The following SLCO4A1 variants were observed in gnomAD, a reference collection of about 807,000 sequenced individuals.
The protein encoded by SLCO4A1 is colon organic anion transporter.
A neutral mutation model predicts 64.6 loss-of-function variants in SLCO4A1; 51 were observed. That is an observed-to-expected ratio of 0.79 (90% CI 0.63 to 1.00). SLCO4A1 has a LOEUF of 1.00. SLCO4A1 is among the 50% of genes least tolerant of loss of function. The pLI is 0.00. For missense variants in SLCO4A1, 919 were observed against 980.5 expected, an observed-to-expected ratio of 0.94 and a Z score of 0.84; for synonymous variants, 471 against 444.9, an observed-to-expected ratio of 1.06 and a Z score of -0.74.
intron 1 of SLCO4A1, among the ~76,000 whole-genome samples, chr20:62,652,935 C>T (rs1348086607): frequency 3.9e-5 from 6 of 152,242 alleles, no homozygotes; most frequent in Non-Finnish European, 5.9e-5. Context: ...GTGACGCAGA[C>T]GCTTGGCTCT....
chr20:62,668,205 C>T (rs371537934), intron 9 of SLCO4A1, 21 bp downstream of exon 9: 59 of 1,612,988 alleles, frequency 3.7e-5, no homozygotes, highest in South Asian at 5.5e-5. Context: ...GTCGGGTGTG[C>T]GCTTGTCCAG....
chr20:62,678,532 CTTTTTTT>C (rs71195465), intron 2 of SLCO4A1, among the ~76,000 whole-genome samples: 2 of 138,712 alleles, frequency 1.4e-5, no homozygotes, highest in South Asian at 2.3e-4. Context: ...CAGCGCTATT[CTTTTTTT>C]TTTTTTTTTT....
At chr20:62,652,080 C>T (rs889550057) in intron 1 of SLCO4A1, 14 of 149,584 alleles carry the variant, frequency 9.4e-5, no homozygotes, top group Non-Finnish European at 1.3e-4. Flanking sequence ...CCCCCCTCCC[C>T]GTGCCAGCAC....
intron 2 of SLCO4A1, among the ~76,000 whole-genome samples, chr20:62,679,798 C>T (rs1987747065): frequency 6.6e-6 from 1 of 152,206 alleles, no homozygotes; most frequent in Non-Finnish European, 1.5e-5. Context: ...AGGCCCAGGC[C>T]ACAGCAGCAG....
chr20:62,661,031 C>CCCCCCGG lies in SLCO4A1; in HGVS notation c.1010-29_1010-28insCGGCCCC. 1 of 944,604 alleles carries CCCCCCGG rather than the reference C, an allele frequency of 1.1e-6. No individual in the cohort carries two copies. Among genetic ancestry groups the CCCCCCGG allele is most frequent in the Non-Finnish European group, 1.7e-6 (1 of 576,386 alleles). The allele number at this position is 944,604 out of a possible 1,614,324, so 58.5% of individuals were successfully genotyped here. On this transcript the variant is annotated intron_variant, in intron 4 of 11. Coordinates refer to ENST00000217159, the MANE Select transcript of SLCO4A1 (RefSeq NM_016354.4). The surrounding 1 kb of genome is among the most constrained non-coding windows in gnomAD (Gnocchi z 5.2). ...GAAGTCCACCTCCGGGAGCCCCCAG[C>CCCCCCGG]CCCCAGCCCCAGCTCACTCTGTGCC...
intron 9 of SLCO4A1, 67 bp from the exon 10 acceptor site, chr20:62,668,410 G>T (rs890835623): frequency 4.6e-6 from 7 of 1,534,988 alleles, no homozygotes; most frequent in Non-Finnish European, 6.3e-6. Context: ...GAGGCCACTG[G>T]CCTAGGGGGT....
In SLCO4A1 at chr20:62,666,471, G is replaced by GT; in HGVS notation, c.1370dup (p.Cys458LeufsTer95). On this transcript the variant is annotated frameshift_variant, in exon 7 of 12. Transcript: ENST00000217159. LOFTEE classifies it high-confidence loss of function. ...GGCTCCGGGGCTCCGCGGTCATCAA[G>GT]TTCTGCCTGTTCTGCACCGTTGTCA... 1 of 1,613,522 alleles carries GT rather than the reference G, an allele frequency of 6.2e-7. No individual in the cohort carries two copies. The highest frequency in any genetic ancestry group is 8.5e-7 in the Non-Finnish European group (1 of 1,179,994).
In SLCO4A1 at chr20:62,665,054, C is replaced by T. The variant is rs1163183483; in HGVS notation, c.1242C>T (p.Phe414=). 1.9e-6 allele frequency: 3 copies of T among 1,613,446 alleles called. No individual in the cohort carries two copies. The highest frequency in any genetic ancestry group is 2.2e-5 in the South Asian group (2 of 90,980). ...TFSPKFLESQ[F]SLSASEAATL... The stretch of plus-strand genomic sequence containing the variant: ...GCCCCAAGTTCTTGGAGTCCCAGTT[C>T]AGCCTGAGTGCCTCAGAAGCTGCCA... Residue 414 remains phenylalanine (F), a synonymous_variant, in exon 6 of 12, where the codon TTC becomes TTT. Transcript: ENST00000217159.
At chr20:62,677,794 G>A (rs187458547) in intron 2 of SLCO4A1, among the ~76,000 whole-genome samples, 189 of 152,268 alleles carry the variant, frequency 1.2e-3, no homozygotes, top group Non-Finnish European at 2.1e-3. Context: ...GGAACCCAGC[G>A]CCACGCTGTG....
chr20:62,674,075 G>A (rs1437513162), downstream of SLCO4A1, among the ~76,000 whole-genome samples: 2 of 152,216 alleles, frequency 1.3e-5, no homozygotes, highest in Non-Finnish European at 2.9e-5. Context: ...GAAGGTGCCA[G>A]CCATCTCCTC....
At chr20:62,659,499 T>TGTGTGTC (rs1422940045) in intron 3 of SLCO4A1, among the ~76,000 whole-genome samples, 1 of 152,168 alleles carries the variant, frequency 6.6e-6, no homozygotes. Flanking sequence ...CTCGGATTGA[T>TGTGTGTC]AATGTGGGGT....
At chr20:62,666,712 C>A in intron 7 of SLCO4A1, 137 bp downstream of exon 7, 1 of 762,678 alleles carries the variant, frequency 1.3e-6, no homozygotes. Flanking sequence ...GCAAGGGCAA[C>A]ACCCGCTCAG....
chr20:62,669,726 C>T (rs1646724292), intron 11 of SLCO4A1, among the ~76,000 whole-genome samples: 1 of 152,170 alleles, frequency 6.6e-6, no homozygotes, highest in Non-Finnish European at 1.5e-5. Context: ...GACGCTCTTC[C>T]TTGGGTGACG....
intron 8 of SLCO4A1, 35 bp from the exon 9 acceptor site, chr20:62,667,977 C>T: frequency 6.2e-7 from 1 of 1,614,054 alleles, no homozygotes; most frequent in East Asian, 2.2e-5. Flanking sequence ...CCCGTGCCTT[C>T]CCCTTGTAAT....
Position 62,668,522 on chromosome 20 carries a change from G to C in SLCO4A1, c.1857G>C (p.Trp619Cys). The C allele has an allele frequency of 1.9e-6, 3 of 1,613,784 alleles. No homozygotes were observed. The highest frequency in any genetic ancestry group is 2.5e-6 in the Non-Finnish European group (3 of 1,179,834). The change falls in exon 10 of 12, where the codon TGG becomes TGC. Residue 619 changes from tryptophan to cysteine, a missense_variant. Physicochemically the swap from Trp to Cys is radical, Grantham distance 215 (BLOSUM62 -2). Transcript: ENST00000217159. ...GATCCTTTGCCCTGGGAATCCAGTG[G>C]ATTGTAGTTAGAATACTAGGTACTG... ...PQRSFALGIQ[W>C]IVVRILGGIP...
At chr20:62,662,301 C>G (rs1027257404) in intron 5 of SLCO4A1, among the ~76,000 whole-genome samples, 4 of 152,122 alleles carry the variant, frequency 2.6e-5, no homozygotes, top group Non-Finnish European at 5.9e-5. Context: ...CCAAGCTGAC[C>G]CGGGGCCACG....
At chr20:62,653,559 C>T (rs1000921084) in intron 1 of SLCO4A1, among the ~76,000 whole-genome samples, 4 of 152,210 alleles carry the variant, frequency 2.6e-5, no homozygotes, top group Non-Finnish European at 4.4e-5. Flanking sequence ...TGTGTCCCCT[C>T]GCAGCCCCAT....
rs139768340 is a variant in SLCO4A1, at chr20:62,668,992, G to A, written c.1939G>A (p.Asp647Asn). The change falls in exon 11 of 12, where the codon GAC becomes AAC. Residue 647 changes from aspartate (D) to asparagine (N), a missense_variant. Physicochemically the swap from Asp to Asn is conservative, Grantham distance 23. Coordinates refer to ENST00000217159, the MANE Select transcript of SLCO4A1 (RefSeq NM_016354.4). ...CGACAAGGCCTGTCTGCTGTGGCAG[G>A]ACCAGTGTGGCCAGCAGGGCTCCTG... ...VIDKACLLWQDQCGQQGSCLV... is the reference protein window; with the variant it reads ...VIDKACLLWQNQCGQQGSCLV... 9 of 1,610,456 alleles carry A rather than the reference G, an allele frequency of 5.6e-6. No homozygotes were observed. The African/African-American group carries it at 1.2e-4, about 21-fold the overall frequency.
chr20:62,687,784 C>T (rs1219390468), downstream of SLCO4A1, among the ~76,000 whole-genome samples: 4 of 152,166 alleles, frequency 2.6e-5, no homozygotes, highest in African/African-American at 7.2e-5. Flanking sequence ...ATGTCGTCAG[C>T]GTGGCCACTA....
Sources: gnomAD v4.1 joint callset for allele counts (sites outside exome capture counted in the v4.1 genomes callset) on GRCh38, gnomAD v4.1.1 for gene constraint, Gnocchi (gnomAD v3.1) non-coding constraint, MANE v1.5 for transcripts, NCBI Gene and HGNC (gene_info 2026-07-23, HGNC 2026-07-21) for gene names.